Variants in IL1RAPL1 observed in about 807,000 individuals in gnomAD.
IL1RAPL1 encodes interleukin 1 receptor accessory protein like 1, also known as interleukin-1 receptor accessory protein-like 1.
A neutral mutation model predicts 48.4 loss-of-function variants in IL1RAPL1; 3 were observed. The observed-to-expected ratio is 0.06, with a 90% CI of 0.03 to 0.16. The LOEUF (loss-of-function observed/expected upper bound fraction) is 0.16. Ranked by LOEUF, IL1RAPL1 falls within the 10% of genes least tolerant of loss-of-function variation. The pLI is 1.00. For missense variants in IL1RAPL1, 349 were observed against 530.6 expected (o/e 0.66, Z 3.36); for synonymous variants, 185 against 187.7 (o/e 0.99, Z 0.12).
chrX:29,220,324 T>C (rs1930951303), intron 2 of IL1RAPL1, among the ~76,000 whole-genome samples: 1 of 112,802 alleles, frequency 8.9e-6, no homozygotes, highest in Non-Finnish European at 1.9e-5. Context: ...GATATTTACA[T>C]GTCTAACATA....
At chrX:29,217,679 G>A (rs1930896574) in intron 2 of IL1RAPL1, among the ~76,000 whole-genome samples, 1 of 109,633 alleles carries the variant, frequency 9.1e-6, no homozygotes, top group Non-Finnish European at 1.9e-5. Flanking sequence ...TTAAGAAACT[G>A]CATGAAAATT....
intron 5 of IL1RAPL1, among the ~76,000 whole-genome samples, chrX:29,659,706 C>T (rs971873158): frequency 9.0e-6 from 1 of 111,656 alleles, no homozygotes. Flanking sequence ...CTCACTGCAA[C>T]CTCCGCCTTC....
chrX:28,599,070 G>A (rs1601829416), intron 1 of IL1RAPL1, among the ~76,000 whole-genome samples: 1 of 109,455 alleles, frequency 9.1e-6, no homozygotes, highest in South Asian at 4.1e-4. Context: ...GAGAAATCCC[G>A]TCTCTACTAA....
intron 6 of IL1RAPL1, among the ~76,000 whole-genome samples, chrX:29,890,542 T>C (rs1288510369): frequency 8.9e-6 from 1 of 112,134 alleles, no homozygotes; most frequent in Non-Finnish European, 1.9e-5. Flanking sequence ...AAATTCATTC[T>C]GCCCAAGGAA....
intron 9 of IL1RAPL1, among the ~76,000 whole-genome samples, chrX:29,946,147 C>A (rs1933209567): frequency 1.8e-5 from 2 of 112,083 alleles, no homozygotes; most frequent in Non-Finnish European, 1.9e-5. Context: ...TCCAAGCCTC[C>A]TACACCACCC....
At chrX:29,258,432 A>G (rs1931794080) in intron 2 of IL1RAPL1, among the ~76,000 whole-genome samples, 1 of 111,257 alleles carries the variant, frequency 9.0e-6, no homozygotes, top group Non-Finnish European at 1.9e-5. Flanking sequence ...TTTAGTTTGA[A>G]ATCTCAGTAT....
intron 5 of IL1RAPL1, among the ~76,000 whole-genome samples, chrX:29,593,480 G>C (rs1923447545): frequency 8.9e-6 from 1 of 111,982 alleles, no homozygotes; most frequent in South Asian, 3.7e-4. Flanking sequence ...CCTTGCATTT[G>C]TCTTTGAGCT....
chrX:29,505,613 C>A (rs1167265927), intron 5 of IL1RAPL1, among the ~76,000 whole-genome samples: 3 of 110,262 alleles, frequency 2.7e-5, no homozygotes, highest in African/African-American at 9.9e-5. Flanking sequence ...TGCTTATGAA[C>A]TTGGAACTCC....
intron 5 of IL1RAPL1, among the ~76,000 whole-genome samples, chrX:29,405,375 T>A (rs1258278486): frequency 3.5e-4 from 35 of 99,363 alleles, no homozygotes; most frequent in Non-Finnish European, 4.9e-4. Flanking sequence ...TTTATTTATT[T>A]ATTTTTTTTG....
At chrX:28,688,530 C>T (rs973481517) in intron 1 of IL1RAPL1, among the ~76,000 whole-genome samples, 33 of 111,858 alleles carry the variant, frequency 3.0e-4, no homozygotes, top group South Asian at 2.2e-3. Context: ...ATTTATTTAA[C>T]TAGACATTAC....
intron 3 of IL1RAPL1, among the ~76,000 whole-genome samples, chrX:29,352,889 GTTATTTCTCACTTAGGAGTT>G (rs745452312): frequency 9.0e-6 from 1 of 111,584 alleles, no homozygotes; most frequent in Non-Finnish European, 1.9e-5. Context: ...GAACTTCCCT[GTTATTTCTCACTTAGGAGTT>G]TTCTCAACCA....
intron 2 of IL1RAPL1, among the ~76,000 whole-genome samples, chrX:29,174,260 T>G (rs757926764): frequency 1.9e-3 from 208 of 111,507 alleles, no homozygotes; most frequent in African/African-American, 5.9e-3. Context: ...AGTGTATTGA[T>G]ATGAGATGAT....
At chrX:28,857,153 G>C (rs12860943) in intron 2 of IL1RAPL1, among the ~76,000 whole-genome samples, 18,862 of 111,329 alleles carry the variant, frequency 0.17, 1,337 homozygotes, top group East Asian at 0.31. Flanking sequence ...AAGATCCTAA[G>C]TCTGCAATTC....
chrX:29,882,494 A>G (rs906648852), intron 6 of IL1RAPL1, among the ~76,000 whole-genome samples: 1 of 111,855 alleles, frequency 8.9e-6, no homozygotes, highest in African/African-American at 3.2e-5. Context: ...TCAAATGTCA[A>G]CAGTCATTTT....
chrX:29,210,351 C>T (rs1482406755), intron 2 of IL1RAPL1, among the ~76,000 whole-genome samples: 1 of 111,964 alleles, frequency 8.9e-6, no homozygotes, highest in Non-Finnish European at 1.9e-5. Context: ...TCGTGACGCT[C>T]TTCTGATAGA....
At chrX:29,321,343 G>A (rs988400320) in intron 3 of IL1RAPL1, among the ~76,000 whole-genome samples, 7 of 111,844 alleles carry the variant, frequency 6.3e-5, no homozygotes, top group Non-Finnish European at 1.1e-4. Flanking sequence ...TGATTACTGA[G>A]AGGGCCATTA....
chrX:28,975,752 G>A (rs1048892164), intron 2 of IL1RAPL1, among the ~76,000 whole-genome samples: 8 of 112,093 alleles, frequency 7.1e-5, no homozygotes, highest in African/African-American at 3.2e-5. Context: ...CTTACATGGT[G>A]ATAAATGTTT....
At chrX:28,916,808 C>T (rs959827419) in intron 2 of IL1RAPL1, among the ~76,000 whole-genome samples, 4 of 112,273 alleles carry the variant, frequency 3.6e-5, no homozygotes, top group Admixed American at 9.5e-5. Context: ...TTGTCAGATA[C>T]CCAGAGCCAG....
At chrX:28,595,448 C>T (rs1031550128) in intron 1 of IL1RAPL1, among the ~76,000 whole-genome samples, 1 of 111,949 alleles carries the variant, frequency 8.9e-6, no homozygotes, top group African/African-American at 3.3e-5. Context: ...CTTCTGACCC[C>T]GAAAAATAGC....
Sources: allele counts gnomAD v4.1 joint callset (sites outside exome capture counted in the v4.1 genomes callset), GRCh38; gene constraint gnomAD v4.1.1; transcripts MANE v1.5; gene names NCBI Gene and HGNC (gene_info 2026-07-23, HGNC 2026-07-21).